Variants in MEIOB observed in about 807,000 individuals in gnomAD.
MEIOB encodes meiosis specific with OB-fold.
MEIOB carries 50 observed loss-of-function variants against 53.1 expected under a neutral mutation model. The observed-to-expected ratio is 0.94, with a 90% CI of 0.75 to 1.19. The LOEUF (loss-of-function observed/expected upper bound fraction) is 1.19. Ranked by LOEUF, MEIOB falls within the 50% of genes most tolerant of loss-of-function variation. The pLI is 0.00. For synonymous variants in MEIOB, 192 were observed against 182.5 expected, an observed-to-expected ratio of 1.05 and a Z score of -0.42; for missense variants, 551 against 550.8, an observed-to-expected ratio of 1.00 and a Z score of 0.00.
chr16:1,848,122 T>A (rs1483436333), intron 9 of MEIOB, among the ~76,000 whole-genome samples: 5 of 152,002 alleles, frequency 3.3e-5, no homozygotes, highest in Admixed American at 6.6e-5. Context: ...TATTTTTTTT[T>A]AATTTTTTGT....
intron 2 of MEIOB, among the ~76,000 whole-genome samples, chr16:1,867,022 A>G (rs997941724): frequency 9.2e-5 from 14 of 152,180 alleles, no homozygotes; most frequent in African/African-American, 3.4e-4. Context: ...ATCTGAAGAG[A>G]CCATTATTAG....
intron 9 of MEIOB, among the ~76,000 whole-genome samples, chr16:1,846,289 G>T (rs1018192915): frequency 6.6e-6 from 1 of 152,166 alleles, no homozygotes; most frequent in African/African-American, 2.4e-5. Flanking sequence ...GATGGGGGCT[G>T]GCAGGGATGG....
chr16:1,853,390 G>GT (rs1899219830), intron 7 of MEIOB, 119 bp from the exon 8 acceptor site: 1 of 747,176 alleles, frequency 1.3e-6, no homozygotes, highest in Non-Finnish European at 2.2e-6. Context: ...TCCCCAAGGT[G>GT]GTCAAAGACC....
chr16:1,865,481 AC>A (rs1567281920), intron 3 of MEIOB, among the ~76,000 whole-genome samples: 1 of 5,372 alleles, frequency 1.9e-4, no homozygotes, highest in African/African-American at 6.8e-4. Context: ...ATATACACAC[AC>A]GTGTACACAC....
chr16:1,836,153 T>C (rs1018580056), intron 13 of MEIOB, among the ~76,000 whole-genome samples: 16 of 147,892 alleles, frequency 1.1e-4, no homozygotes, highest in African/African-American at 4.0e-4. Context: ...GAGTTAAATC[T>C]TCAACATGTG....
chr16:1,857,969 T>C, intron 5 of MEIOB, 39 bp from the exon 6 acceptor site: 1 of 1,339,368 alleles, frequency 7.5e-7, no homozygotes, highest in Non-Finnish European at 1.0e-6. Context: ...TTGAAAGTGA[T>C]CTTTGGAAAG....
At chr16:1,854,810 C>T (rs1742426) in intron 6 of MEIOB, among the ~76,000 whole-genome samples, 6 of 151,232 alleles carry the variant, frequency 4.0e-5, no homozygotes, top group African/African-American at 1.5e-4. Flanking sequence ...AAGTGGAAAT[C>T]CTCTTGCCCA....
At chr16:1,863,695 G>A (rs1899514914) in intron 3 of MEIOB, among the ~76,000 whole-genome samples, 1 of 150,796 alleles carries the variant, frequency 6.6e-6, no homozygotes, top group Non-Finnish European at 1.5e-5. Flanking sequence ...TTTTAGTAGA[G>A]GTGGGGAAGA....
At chr16:1,843,188 G>A (rs1357792768) in intron 10 of MEIOB, among the ~76,000 whole-genome samples, 1 of 151,340 alleles carries the variant, frequency 6.6e-6, no homozygotes, top group Non-Finnish European at 1.5e-5. Context: ...ACCTACTCCA[G>A]AGGCTGAGGC....
chr16:1,871,310 C>T (rs892049795), intron 1 of MEIOB, among the ~76,000 whole-genome samples: 2 of 143,010 alleles, frequency 1.4e-5, no homozygotes, highest in Non-Finnish European at 3.0e-5. Context: ...AGCTCCGCCT[C>T]CCGGGTTCAC....
intron 9 of MEIOB, among the ~76,000 whole-genome samples, chr16:1,848,148 C>T (rs750232560): frequency 5.9e-5 from 9 of 151,988 alleles, no homozygotes; most frequent in Non-Finnish European, 1.2e-4. Flanking sequence ...TGGAGTCTCA[C>T]TTATGGCTTG....
At chr16:1,855,565 G>A (rs1036029413) in intron 6 of MEIOB, among the ~76,000 whole-genome samples, 2 of 152,224 alleles carry the variant, frequency 1.3e-5, no homozygotes, top group Non-Finnish European at 2.9e-5. Context: ...GGGTGGGAAA[G>A]CTGCCGCAGT....
chr16:1,869,147 A>C (rs181760023), intron 1 of MEIOB, among the ~76,000 whole-genome samples: 2 of 152,142 alleles, frequency 1.3e-5, no homozygotes, highest in Non-Finnish European at 2.9e-5. Context: ...TTTTTGAGAC[A>C]TCAGTCTCAC....
At chr16:1,845,969 G>C (rs1436504806) in intron 9 of MEIOB, among the ~76,000 whole-genome samples, 3 of 152,146 alleles carry the variant, frequency 2.0e-5, no homozygotes, top group African/African-American at 7.2e-5. Context: ...CTTGCTCCCA[G>C]AATACAAGTC....
At chr16:1,841,488 AT>A (rs1221707581) in intron 11 of MEIOB, among the ~76,000 whole-genome samples, 1 of 151,650 alleles carries the variant, frequency 6.6e-6, no homozygotes, top group Non-Finnish European at 1.5e-5. Flanking sequence ...CTTGAAAATA[AT>A]TTTTTTTTAA....
In MEIOB at chr16:1,839,395, T is replaced by C. The variant is rs200721888; in HGVS notation, c.1078A>G (p.Thr360Ala). 1 of 1,613,952 alleles carries C rather than the reference T, an allele frequency of 6.2e-7. No individual in the cohort carries two copies. Among genetic ancestry groups the C allele is most frequent in the East Asian group, 2.2e-5 (1 of 44,876 alleles). ...YIVNEASNMC[T>A]TCNKNSLDFK... ...TCCAAGGAGTTTTTGTTGCAAGTTG[T>C]GCACATGTTAGATGCTTCATTTACA... is the stretch of plus-strand genomic sequence containing the variant. Residue 360 changes from threonine to alanine, a missense_variant, in exon 12 of 14, where the codon ACA becomes GCA. Transcript: ENST00000325962.
intron 3 of MEIOB, among the ~76,000 whole-genome samples, chr16:1,863,360 TG>T (rs769586552): frequency 4.0e-5 from 6 of 150,940 alleles, no homozygotes; most frequent in African/African-American, 7.3e-5. Flanking sequence ...TTTTGTTTTT[TG>T]TTTTTTTTTT....
In MEIOB at chr16:1,834,022, T is replaced by C. The variant is rs142181896; in HGVS notation, c.*234A>G. 1.1e-4 allele frequency: 44 copies of C among 390,440 alleles called. No homozygotes were observed. In the East Asian group the frequency reaches 1.6e-3, roughly 14 times the overall value. 24.2% of individuals were successfully genotyped at this position (390,440 alleles called of 1,614,324 possible). Reference sequence around the variant, plus strand: ...ATCTGTTTATTAATTCATGTAAACATTTTCCAACTTGGGAGGAGACAAGGC... The same window carrying C: ...ATCTGTTTATTAATTCATGTAAACACTTTCCAACTTGGGAGGAGACAAGGC... On this transcript the variant is annotated 3_prime_UTR_variant, in exon 14 of 14. Transcript: ENST00000325962.
intron 1 of MEIOB, among the ~76,000 whole-genome samples, chr16:1,871,114 C>G (rs1899730410): frequency 1.3e-5 from 2 of 152,080 alleles, no homozygotes; most frequent in South Asian, 4.1e-4. Flanking sequence ...TGCTTCTCTA[C>G]CTGGTCACTT....
Sources: allele counts gnomAD v4.1 joint callset (sites outside exome capture counted in the v4.1 genomes callset), GRCh38; gene constraint gnomAD v4.1.1; transcripts MANE v1.5; gene names NCBI Gene and HGNC (gene_info 2026-07-23, HGNC 2026-07-21).